The following KCNK9 variants were observed in gnomAD, a reference collection of about 807,000 sequenced individuals.
KCNK9 encodes potassium two pore domain channel subfamily K member 9.
Under a neutral mutation model 10.8 loss-of-function variants are expected in KCNK9, and 1 was observed. That is an observed-to-expected ratio of 0.09 (90% CI 0.03 to 0.44). The LOEUF is 0.44. KCNK9 is among the 20% of genes least tolerant of loss of function. KCNK9 has a pLI of 0.97. For synonymous variants in KCNK9, 231 were observed against 222.7 expected, an observed-to-expected ratio of 1.04 and a Z score of -0.33; for missense variants, 303 against 515.0, an observed-to-expected ratio of 0.59 and a Z score of 3.98.
rs566569142 is a variant in KCNK9 at position 139,641,620 on chromosome 8, G to A, written c.284-22521C>T. ...TGGTGGCCTCCCGCTCTGCCCCAGC[G>A]CTCTGGCCTGCCCCCCCCCCGCACT... is the stretch of plus-strand genomic sequence containing the variant. On this transcript the variant is annotated intron_variant, in intron 1 of 1. Transcript: ENST00000520439. 1.8e-4 allele frequency among the ~76,000 whole-genome samples: 11 copies of A among 62,016 alleles called. No homozygotes were observed. In the South Asian group the frequency reaches 4.5e-3, roughly 26 times the overall value. The allele number at this position is 62,016 out of a possible 152,430, so 40.7% of individuals were successfully genotyped here. A position where few individuals can be genotyped will look rare whatever the true frequency, so the allele number is the denominator to read the frequency against.
intron 1 of KCNK9, among the ~76,000 whole-genome samples, chr8:139,655,798 C>G (rs913135993): frequency 1.3e-5 from 2 of 152,028 alleles, no homozygotes; most frequent in African/African-American, 4.8e-5. Context: ...TGGTGGACAC[C>G]CCTAGATCAT....
In KCNK9 at chr8:139,702,519, C is replaced by G. The variant is rs1420404300; in HGVS notation, c.283+191G>C. ...CGCGGTGGAGAGCACCGGGTGGGGT[C>G]CCCGAAGGGTGAGGCTCGGAGGCGC... On this transcript the variant is annotated intron_variant, in intron 1 of 1. Coordinates refer to ENST00000520439, the MANE Select transcript of KCNK9 (RefSeq NM_001282534.2). The surrounding 1 kb of genome is among the most constrained non-coding windows in gnomAD (Gnocchi z 7.5). Among the ~76,000 whole-genome samples, 2 of 152,132 alleles carry G rather than the reference C, an allele frequency of 1.3e-5. No individual in the cohort carries two copies. The highest frequency in any genetic ancestry group is 4.8e-5 in the African/African-American group (2 of 41,450).
chr8:139,627,896 C>G (rs940837638), intron 1 of KCNK9, among the ~76,000 whole-genome samples: 1 of 152,216 alleles, frequency 6.6e-6, no homozygotes, highest in African/African-American at 2.4e-5. Context: ...GCCAGGGCCT[C>G]TCAAAGAGCA....
At chr8:139,660,471 T>TATATA (rs1816127022) in intron 1 of KCNK9, among the ~76,000 whole-genome samples, 2 of 146,010 alleles carry the variant, frequency 1.4e-5, no homozygotes, top group Non-Finnish European at 1.5e-5. Flanking sequence ...TATATATATA[T>TATATA]TAGCCGGGCA....
At chr8:139,695,916 A>AGTAT (rs1354286711) in intron 1 of KCNK9, among the ~76,000 whole-genome samples, 3 of 152,154 alleles carry the variant, frequency 2.0e-5, no homozygotes, top group African/African-American at 7.2e-5. Flanking sequence ...CTCTGGGGCC[A>AGTAT]GCTCCCTGGG....
At chr8:139,617,022 T>C (rs1814614466), downstream of KCNK9, 1 of 152,208 alleles carries the variant, frequency 6.6e-6, no homozygotes, top group Non-Finnish European at 1.5e-5. Flanking sequence ...GATTGGCAAG[T>C]TCCCAGTAGG....
intron 1 of KCNK9, among the ~76,000 whole-genome samples, chr8:139,637,284 G>A (rs940475932): frequency 6.6e-6 from 1 of 152,212 alleles, no homozygotes; most frequent in African/African-American, 2.4e-5. Context: ...GGCAGAGACC[G>A]CAAGGCATTT....
intron 1 of KCNK9, among the ~76,000 whole-genome samples, chr8:139,695,372 C>G (rs954006832): frequency 1.5e-4 from 23 of 152,196 alleles, no homozygotes; most frequent in Non-Finnish European, 5.9e-5. Flanking sequence ...AGGAGAGGAA[C>G]TGGCTACAAA....
chr8:139,646,504 A>C (rs1042487885), intron 1 of KCNK9, among the ~76,000 whole-genome samples: 1 of 152,206 alleles, frequency 6.6e-6, no homozygotes, highest in African/African-American at 2.4e-5. Context: ...CTTGGACTTG[A>C]CCCGAGCAAT....
intron 1 of KCNK9, among the ~76,000 whole-genome samples, chr8:139,656,568 G>A (rs377332991): frequency 1.4e-4 from 22 of 152,318 alleles, no homozygotes; most frequent in Non-Finnish European, 2.2e-4. Flanking sequence ...CACCTGCCCC[G>A]GGAAGCCATC....
chr8:139,633,839 C>G (rs1167588243), intron 1 of KCNK9, among the ~76,000 whole-genome samples: 4 of 152,226 alleles, frequency 2.6e-5, no homozygotes, highest in Non-Finnish European at 2.9e-5. Flanking sequence ...GTGAAGACGA[C>G]GACACACAAA....
chr8:139,686,951 A>G (rs1377799411), intron 1 of KCNK9, among the ~76,000 whole-genome samples: 1 of 152,218 alleles, frequency 6.6e-6, no homozygotes, highest in Non-Finnish European at 1.5e-5. Context: ...GTAAAAAGAG[A>G]AAGCCTAGTA....
downstream of KCNK9, among the ~76,000 whole-genome samples, chr8:139,609,816 CT>C (rs1814363914): frequency 1.3e-5 from 2 of 152,258 alleles, no homozygotes; most frequent in Non-Finnish European, 2.9e-5. Flanking sequence ...TCCAATGCAG[CT>C]GAAGTCAGCT....
Position 139,618,605 on chromosome 8 carries a change from C to T in KCNK9, c.778G>A (p.Glu260Lys). ...NSEDERRDAE[E>K]RASLAGNRNS... ...CGGTTTCCGGCGAGGGATGCCCTCT[C>T]TTCAGCATCCCGCCGCTCATCCTCA... Residue 260 changes from glutamate to lysine, a missense_variant, in exon 2 of 2, where the codon GAG (glutamate) becomes AAG (lysine). Coordinates refer to ENST00000520439, the MANE Select transcript of KCNK9 (RefSeq NM_001282534.2). The surrounding 1 kb of genome is among the most constrained non-coding windows in gnomAD (Gnocchi z 7.9). The T allele has an allele frequency of 1.2e-6, 2 of 1,614,096 alleles. No individual in the cohort carries two copies. The highest frequency in any genetic ancestry group is 1.7e-6 in the Non-Finnish European group (2 of 1,179,990).
intron 1 of KCNK9, among the ~76,000 whole-genome samples, chr8:139,630,072 T>TG (rs906290173): frequency 1.4e-5 from 2 of 141,286 alleles, no homozygotes; most frequent in Non-Finnish European, 3.1e-5. Context: ...GGAGCGGGCG[T>TG]GGGGGGCGGC....
chr8:139,698,999 G>T (rs1005797066), intron 1 of KCNK9, among the ~76,000 whole-genome samples: 2 of 152,110 alleles, frequency 1.3e-5, no homozygotes, highest in East Asian at 3.9e-4. Flanking sequence ...GGGCCCCGAG[G>T]TTCTGGGGAA....
chr8:139,647,916 A>C (rs1815740516), intron 1 of KCNK9, among the ~76,000 whole-genome samples: 1 of 152,012 alleles, frequency 6.6e-6, no homozygotes, highest in Non-Finnish European at 1.5e-5. Flanking sequence ...TTGCCACATG[A>C]CCCAGCAATC....
intron 1 of KCNK9, among the ~76,000 whole-genome samples, chr8:139,661,840 G>A (rs1251556745): frequency 6.6e-6 from 1 of 152,258 alleles, no homozygotes; most frequent in Non-Finnish European, 1.5e-5. Context: ...ACCCACCTGG[G>A]TGGGATGTGG....
chr8:139,641,020 G>A (rs1284105429), intron 1 of KCNK9, among the ~76,000 whole-genome samples: 1 of 152,160 alleles, frequency 6.6e-6, no homozygotes, highest in Non-Finnish European at 1.5e-5. Context: ...GGTTTCTTAG[G>A]ACCAAATGAG....
Sources: allele counts gnomAD v4.1 joint callset (sites outside exome capture counted in the v4.1 genomes callset), GRCh38; gene constraint gnomAD v4.1.1; non-coding constraint Gnocchi (gnomAD v3.1); transcripts MANE v1.5; gene names NCBI Gene and HGNC (gene_info 2026-07-23, HGNC 2026-07-21).